The following DHX36 variants were observed in gnomAD, a reference collection of about 807,000 sequenced individuals.
DHX36 encodes the protein ATP-dependent DNA/RNA helicase DHX36.
Under a neutral mutation model 139.0 loss-of-function variants are expected in DHX36, and 50 were observed. The observed-to-expected ratio is 0.36, with a 90% CI of 0.29 to 0.46. The LOEUF (loss-of-function observed/expected upper bound fraction) is 0.46. Ranked by LOEUF, DHX36 falls within the 20% of genes least tolerant of loss-of-function variation. The probability of loss-of-function intolerance (pLI) is 1.00; values close to 1 mark genes in which losing one functional copy is unlikely to be tolerated. For synonymous variants in DHX36, 425 were observed against 401.9 expected (o/e 1.06, Z -0.69); for missense variants, 1,024 against 1,211.3 (o/e 0.85, Z 2.29).
At chr3:154,321,264 T>C (rs1207114509) in intron 1 of DHX36, among the ~76,000 whole-genome samples, 1 of 152,216 alleles carries the variant, frequency 6.6e-6, no homozygotes, top group Admixed American at 6.5e-5. Context: ...CTCAATACAC[T>C]CCACATCCAT....
At chr3:154,292,875 C>A (rs1361124737) in intron 14 of DHX36, among the ~76,000 whole-genome samples, 181 bp from the exon 15 acceptor site, 1 of 152,020 alleles carries the variant, frequency 6.6e-6, no homozygotes, top group African/African-American at 2.4e-5. Context: ...TTCACACCCA[C>A]ATTACCAATA....
chr3:154,285,306 A>G (rs895852590), intron 17 of DHX36, among the ~76,000 whole-genome samples: 2 of 152,240 alleles, frequency 1.3e-5, no homozygotes, highest in Non-Finnish European at 2.9e-5. Flanking sequence ...AACAAAAACA[A>G]AAGATACACT....
chr3:154,277,532 T>C, intron 23 of DHX36, 66 bp downstream of exon 23: 2 of 1,477,480 alleles, frequency 1.4e-6, no homozygotes, highest in Non-Finnish European at 1.8e-6. Context: ...TTGTTAAAAC[T>C]ACACAATCAT....
intron 11 of DHX36, among the ~76,000 whole-genome samples, chr3:154,300,147 C>A (rs1373526800): frequency 2.0e-5 from 3 of 152,072 alleles, no homozygotes; most frequent in Non-Finnish European, 4.4e-5. Flanking sequence ...CGGATCACTG[C>A]AGCATCTGCC....
At chr3:154,322,896 A>G (rs1713247892) in intron 1 of DHX36, among the ~76,000 whole-genome samples, 1 of 152,238 alleles carries the variant, frequency 6.6e-6, no homozygotes, top group Non-Finnish European at 1.5e-5. Flanking sequence ...ATGCCCAACG[A>G]AAAAGTTAAT....
In DHX36 at chr3:154,284,564, C is replaced by T; in HGVS notation, c.2292+19G>A. The stretch of plus-strand genomic sequence containing the variant: ...TTGAATAAACTATCATAATCCAGGA[C>T]AAAATTTTTTTTTTTTACCTCAAAC... On this transcript the variant is annotated intron_variant, in intron 19 of 24. Transcript: ENST00000496811. The T allele has an allele frequency of 6.5e-7, 1 of 1,528,728 alleles. No individual in the cohort carries two copies. The highest frequency in any genetic ancestry group is 8.9e-7 in the Non-Finnish European group (1 of 1,121,154). 94.7% of individuals were successfully genotyped at this position (1,528,728 alleles called of 1,614,324 possible). A position where few individuals can be genotyped will look rare whatever the true frequency, so the allele number is the denominator to read the frequency against.
Position 154,284,959 on chromosome 3 carries a change from G to A in DHX36, c.2060C>T (p.Thr687Ile), listed in dbSNP as rs1023547104. ...TCGTGCCAAGTGGACTCCAAGAGGT[G>A]TCAATTCTTCTTGTTTATCCAAAGC... ...LNALDKQEEL[T>I]PLGVHLARLP... The change falls in exon 18 of 25, where the codon ACA (threonine) becomes ATA (isoleucine). Residue 687 changes from threonine (T) to isoleucine (I), a missense_variant. Transcript: ENST00000496811. 6.2e-7 allele frequency: 1 copy of A among 1,614,144 alleles called. No homozygotes were observed. Among genetic ancestry groups the A allele is most frequent in the Non-Finnish European group, 8.5e-7 (1 of 1,180,016 alleles).
chr3:154,300,014 A>G, intron 11 of DHX36, 89 bp from the exon 12 acceptor site: 1 of 813,152 alleles, frequency 1.2e-6, no homozygotes, highest in Non-Finnish European at 2.1e-6. Context: ...GTCTCCATTA[A>G]AATTATACTA....
intron 17 of DHX36, among the ~76,000 whole-genome samples, chr3:154,286,365 G>GA (rs1208220764): frequency 6.6e-6 from 1 of 151,382 alleles, no homozygotes; most frequent in Admixed American, 6.6e-5. Flanking sequence ...AATATATGCA[G>GA]AAAAAAATCT....
At chr3:154,310,811 ATATATATATATATATATAT>A (rs1712721999) in intron 4 of DHX36, among the ~76,000 whole-genome samples, 2 of 22,928 alleles carry the variant, frequency 8.7e-5, no homozygotes, top group South Asian at 3.2e-3. Context: ...AAAAAAATAT[ATATATATATATATATATAT>A]ATATATATAT....
rs758020089 is a variant in DHX36 at position 154,283,280 on chromosome 3, C to T, written c.2293-9G>A. The T allele has an allele frequency of 1.4e-5, 23 of 1,594,278 alleles. No homozygotes were observed. The highest frequency in any genetic ancestry group is 1.8e-5 in the Non-Finnish European group (21 of 1,162,920). ...CTAGCCTCTTCCCAGCCCTATGGGGCAAAGAAATGAAGAAATCTATATTTC... is the reference window on the plus strand; with the variant it reads ...CTAGCCTCTTCCCAGCCCTATGGGGTAAAGAAATGAAGAAATCTATATTTC... On this transcript the variant is annotated splice_polypyrimidine_tract_variant and intron_variant, in intron 19 of 24. Transcript: ENST00000496811.
chr3:154,290,811 A>G (rs960392732), intron 15 of DHX36, among the ~76,000 whole-genome samples: 2 of 151,908 alleles, frequency 1.3e-5, no homozygotes, highest in African/African-American at 4.8e-5. Flanking sequence ...ATATACCTCA[A>G]TATCTCTCCA....
chr3:154,306,896 T>C (rs537749195), intron 5 of DHX36, among the ~76,000 whole-genome samples: 1 of 152,222 alleles, frequency 6.6e-6, no homozygotes, highest in South Asian at 2.1e-4. Flanking sequence ...AACTTTCCAA[T>C]AAGTATATCT....
At position 154,276,796 on chromosome 3, in the gene DHX36, T is replaced by C. The variant is rs1200671964; in HGVS notation, c.2792A>G (p.Asp931Gly). Residue 931 changes from aspartate to glycine, a missense_variant, in exon 24 of 25, where the codon GAT (aspartate) becomes GGT (glycine). By Grantham distance (94) the Asp-to-Gly change is moderately conservative. This residue lies in a region of DHX36 where 470 missense variants were observed against 616.2 expected (regional missense o/e 0.76). Coordinates refer to ENST00000496811, the MANE Select transcript of DHX36 (RefSeq NM_020865.3). ...TGGAGACTGAAATACAATCCACTCA[T>C]CTACAGCAATAGTTTCCTGATCGTT... Reference protein sequence around the residue: ...KDNDQETIAVDEWIVFQSPAR... With the variant: ...KDNDQETIAVGEWIVFQSPAR... 1 of 1,613,802 alleles carries C rather than the reference T, an allele frequency of 6.2e-7. No homozygotes were observed. Among genetic ancestry groups the C allele is most frequent in the African/African-American group, 1.3e-5 (1 of 74,906 alleles).
At chr3:154,305,945 A>C (rs1395457668) in intron 6 of DHX36, among the ~76,000 whole-genome samples, 1 of 152,168 alleles carries the variant, frequency 6.6e-6, no homozygotes, top group African/African-American at 2.4e-5. Context: ...TTTCAGAGAG[A>C]GTAATGGTCT....
chr3:154,303,418 G>A lies in DHX36; in HGVS notation c.1136-8C>T, dbSNP rs777524796. On this transcript the variant is annotated splice_region_variant and splice_polypyrimidine_tract_variant and intron_variant, in intron 8 of 24. Coordinates refer to ENST00000496811, the MANE Select transcript of DHX36 (RefSeq NM_020865.3). ...GTATCATTGGACAGTTACCTATTACGGCAGACAAAATATAAGCATAAATTT... is the reference window on the plus strand; with the variant it reads ...GTATCATTGGACAGTTACCTATTACAGCAGACAAAATATAAGCATAAATTT... The A allele has an allele frequency of 1.8e-5, 28 of 1,576,650 alleles. No homozygotes were observed. Among genetic ancestry groups the A allele is most frequent in the East Asian group, 9.1e-5 (4 of 44,180 alleles).
chr3:154,290,295 T>C (rs922333410), intron 15 of DHX36, among the ~76,000 whole-genome samples: 2 of 152,148 alleles, frequency 1.3e-5, no homozygotes, highest in African/African-American at 4.8e-5. Context: ...TTCTGTTTTA[T>C]GTATGTAACT....
chr3:154,303,263 G>T, intron 9 of DHX36, 66 bp downstream of exon 9: 2 of 1,183,944 alleles, frequency 1.7e-6, no homozygotes, highest in South Asian at 1.4e-5. Flanking sequence ...TGAGACTAAA[G>T]TTTGACATGA....
At chr3:154,288,617 C>A (rs1711654134) in intron 17 of DHX36, among the ~76,000 whole-genome samples, 1 of 151,838 alleles carries the variant, frequency 6.6e-6, no homozygotes, top group African/African-American at 2.4e-5. Flanking sequence ...TTAAATCAAG[C>A]CTACAATAAA....
Sources: allele counts gnomAD v4.1 joint callset (sites outside exome capture counted in the v4.1 genomes callset), GRCh38; gene constraint gnomAD v4.1.1; regional missense constraint gnomAD v4.1.1; transcripts MANE v1.5; gene names NCBI Gene and HGNC (gene_info 2026-07-23, HGNC 2026-07-21).